Variants in TBCD observed in about 807,000 individuals in gnomAD.
TBCD encodes tubulin-specific chaperone D.
In TBCD, 105 loss-of-function variants were observed where a neutral mutation model predicts 169.3. That is an observed-to-expected ratio of 0.62 (90% CI 0.53 to 0.73). TBCD has a LOEUF of 0.73. Ranked by LOEUF, TBCD falls within the 30% of genes least tolerant of loss-of-function variation. The pLI is 0.00. For missense variants in TBCD, 1,444 were observed against 1,600.1 expected, an observed-to-expected ratio of 0.90 and a Z score of 1.66; for synonymous variants, 700 against 643.9, an observed-to-expected ratio of 1.09 and a Z score of -1.32.
chr17:82,841,783 G>T (rs918506585), intron 13 of TBCD, among the ~76,000 whole-genome samples: 7 of 152,180 alleles, frequency 4.6e-5, no homozygotes, highest in African/African-American at 1.7e-4. Context: ...CACTGACTGA[G>T]GTGGCTCCGT....
intron 14 of TBCD, among the ~76,000 whole-genome samples, chr17:82,882,860 C>T (rs965397597): frequency 3.9e-5 from 6 of 152,194 alleles, no homozygotes; most frequent in South Asian, 2.1e-4. Flanking sequence ...CTGGCAGGGC[C>T]GGCGCCTCAC....
chr17:82,779,779 G>A (rs2048826471), intron 6 of TBCD, among the ~76,000 whole-genome samples: 1 of 152,032 alleles, frequency 6.6e-6, no homozygotes, highest in African/African-American at 2.4e-5. Flanking sequence ...CGTGGGGGCC[G>A]GAGGGAGGTT....
chr17:82,782,856 G>A lies in TBCD; in HGVS notation c.771+1135G>A, dbSNP rs116433576. Among the ~76,000 whole-genome samples the A allele has an allele frequency of 9.1e-3, 1,369 of 151,076 alleles. 17 individuals are homozygous for A. Among genetic ancestry groups the A allele is most frequent in the African/African-American group, 0.032 (1,325 of 41,154 alleles). Reference sequence around the variant, plus strand: ...GTGGCGTCCTCCTGTCCGCAGAGGCGTCCTCATGTCCTCAGTGTTGTCTTC... The same window carrying A: ...GTGGCGTCCTCCTGTCCGCAGAGGCATCCTCATGTCCTCAGTGTTGTCTTC... On this transcript the variant is annotated intron_variant, in intron 7 of 38. Coordinates refer to ENST00000355528, the MANE Select transcript of TBCD (RefSeq NM_005993.5). The surrounding 1 kb of genome is among the most constrained non-coding windows in gnomAD (Gnocchi z 5.1).
intron 19 of TBCD, among the ~76,000 whole-genome samples, chr17:82,905,156 GC>G (rs1568004238): frequency 2.0e-5 from 3 of 152,274 alleles, no homozygotes. Flanking sequence ...ACCCCTGGGG[GC>G]AGCCCTGCCT....
At chr17:82,881,367 C>A (rs774280802) in intron 14 of TBCD, among the ~76,000 whole-genome samples, 1 of 152,208 alleles carries the variant, frequency 6.6e-6, no homozygotes, top group Non-Finnish European at 1.5e-5. Flanking sequence ...TCGGTCAGGC[C>A]GCTTGCCGCC....
chr17:82,873,399 A>G (rs571948762), intron 14 of TBCD, among the ~76,000 whole-genome samples: 1 of 152,100 alleles, frequency 6.6e-6, no homozygotes, highest in Non-Finnish European at 1.5e-5. Flanking sequence ...AGGGTCGTGT[A>G]TGGGCCATCA....
chr17:82,879,802 T>C (rs977547692), intron 14 of TBCD, among the ~76,000 whole-genome samples: 6 of 152,226 alleles, frequency 3.9e-5, no homozygotes, highest in African/African-American at 1.2e-4. Context: ...TGGAGTGTCT[T>C]ATAAACGGAA....
rs1443296580 is a variant in TBCD, at chr17:82,907,947, C to T, written c.1983+126C>T. ...CACTGTGCTCCATCAGTCCTGGGCTCAGTGGGGGACCTGCGGTGTGATCAC... is the reference window on the plus strand; with the variant it reads ...CACTGTGCTCCATCAGTCCTGGGCTTAGTGGGGGACCTGCGGTGTGATCAC... On this transcript the variant is annotated intron_variant, in intron 21 of 38. Transcript: ENST00000355528. 6 of 967,680 alleles carry T rather than the reference C, an allele frequency of 6.2e-6. No homozygotes were observed. In the East Asian group the frequency reaches 8.0e-5, roughly 13 times the overall value. The allele number at this position is 967,680 out of a possible 1,614,324, so 59.9% of individuals were successfully genotyped here.
At chr17:82,851,924 C>T (rs2055825149) in intron 13 of TBCD, among the ~76,000 whole-genome samples, 1 of 152,194 alleles carries the variant, frequency 6.6e-6, no homozygotes, top group African/African-American at 2.4e-5. Context: ...AGTGACTCCT[C>T]ACTGCTTCAG....
rs2048676938 is a variant in TBCD, at chr17:82,777,549, G to C, written c.639-4040G>C. On this transcript the variant is annotated intron_variant, in intron 6 of 38. Coordinates refer to ENST00000355528, the MANE Select transcript of TBCD (RefSeq NM_005993.5). Reference sequence around the variant, plus strand: ...AGGTCTCGTGGGTCACGTGTCCACTGGACGGGGGGCCCTTCCCTGCCTGGC... The same window carrying C: ...AGGTCTCGTGGGTCACGTGTCCACTCGACGGGGGGCCCTTCCCTGCCTGGC... 2.0e-5 allele frequency among the ~76,000 whole-genome samples: 3 copies of C among 152,250 alleles called. No homozygotes were observed. In the South Asian group the frequency reaches 6.2e-4, roughly 31 times the overall value.
chr17:82,790,049 G>A (rs2049592666), intron 7 of TBCD, among the ~76,000 whole-genome samples: 1 of 152,164 alleles, frequency 6.6e-6, no homozygotes, highest in African/African-American at 2.4e-5. Context: ...CTGTTCTCAT[G>A]TGGCTGCGCC....
At chr17:82,812,523 G>C (rs1406558602) in intron 12 of TBCD, among the ~76,000 whole-genome samples, 1 of 152,188 alleles carries the variant, frequency 6.6e-6, no homozygotes, top group Non-Finnish European at 1.5e-5. Context: ...ACTGATGCAG[G>C]TGTGAGCAGA....
intron 13 of TBCD, chr17:82,829,944 G>T: frequency 3.5e-6 from 3 of 857,350 alleles, no homozygotes; most frequent in South Asian, 1.8e-5. Context: ...AAAAGTAGAA[G>T]CACCTTTTAA....
intron 14 of TBCD, among the ~76,000 whole-genome samples, chr17:82,873,123 C>T (rs1431173738): frequency 6.6e-6 from 1 of 152,268 alleles, no homozygotes; most frequent in African/African-American, 2.4e-5. Flanking sequence ...TGAATGCAGA[C>T]GTGTGACGGC....
intron 13 of TBCD, among the ~76,000 whole-genome samples, chr17:82,847,356 G>GAAAA (rs1041994030): frequency 1.3e-3 from 105 of 81,696 alleles, no homozygotes; most frequent in Non-Finnish European, 1.7e-3. Context: ...CCATGTCAAA[G>GAAAA]AAAAAAAAAA....
At chr17:82,909,260 A>G in intron 21 of TBCD, 25 bp from the exon 22 acceptor site, 1 of 1,484,254 alleles carries the variant, frequency 6.7e-7, no homozygotes, top group Non-Finnish European at 9.2e-7. Flanking sequence ...AAATCATTAA[A>G]TAACTTTCAG....
At chr17:82,940,221 G>GCGCGCGCA (rs1356825330) in intron 37 of TBCD, among the ~76,000 whole-genome samples, 1 of 131,700 alleles carries the variant, frequency 7.6e-6, no homozygotes, top group African/African-American at 2.5e-5. Context: ...TTGCACGCGC[G>GCGCGCGCA]CACACACACA....
chr17:82,828,619 T>G (rs1173789328), intron 13 of TBCD, among the ~76,000 whole-genome samples: 1 of 146,984 alleles, frequency 6.8e-6, no homozygotes, highest in Admixed American at 6.8e-5. Context: ...TACGCACACA[T>G]GCACACCCAC....
intron 14 of TBCD, among the ~76,000 whole-genome samples, chr17:82,878,483 C>T (rs544371487): frequency 6.6e-6 from 1 of 151,542 alleles, no homozygotes; most frequent in Non-Finnish European, 1.5e-5. Context: ...GCCAGATGTT[C>T]TGTAGGACGC....
Sources: allele counts gnomAD v4.1 joint callset (sites outside exome capture counted in the v4.1 genomes callset), GRCh38; gene constraint gnomAD v4.1.1; non-coding constraint Gnocchi (gnomAD v3.1); transcripts MANE v1.5; gene names NCBI Gene and HGNC (gene_info 2026-07-23, HGNC 2026-07-21).